The following COL13A1 variants were observed in gnomAD, a reference collection of about 807,000 sequenced individuals.
COL13A1 encodes collagen type XIII alpha 1 chain.
A neutral mutation model predicts 130.9 loss-of-function variants in COL13A1; 89 were observed. That is an observed-to-expected ratio of 0.68 (90% CI 0.57 to 0.81). The LOEUF (loss-of-function observed/expected upper bound fraction) is 0.81, where lower values mean the gene tolerates loss of function less well. Ranked by LOEUF, COL13A1 falls within the 30% of genes least tolerant of loss-of-function variation. The probability of loss-of-function intolerance (pLI) is 0.00; values close to 1 mark genes in which losing one functional copy is unlikely to be tolerated. For synonymous variants in COL13A1, 402 were observed against 341.6 expected, an observed-to-expected ratio of 1.18 and a Z score of -1.95; for missense variants, 879 against 934.6, an observed-to-expected ratio of 0.94 and a Z score of 0.78.
chr10:69,927,245 C>A, intron 27 of COL13A1, 135 bp downstream of exon 27: 1 of 1,389,208 alleles, frequency 7.2e-7, no homozygotes, highest in Non-Finnish European at 1.0e-6. Context: ...CCCAACAGGG[C>A]TGGGGCAGAT....
At chr10:69,884,780 G>A (rs918137705) in intron 7 of COL13A1, among the ~76,000 whole-genome samples, 2 of 152,164 alleles carry the variant, frequency 1.3e-5, no homozygotes, top group East Asian at 1.9e-4. Flanking sequence ...GAAATCCAAC[G>A]AAATTCTACT....
intron 14 of COL13A1, among the ~76,000 whole-genome samples, chr10:69,900,325 A>G (rs1024905496): frequency 9.9e-5 from 15 of 152,184 alleles, no homozygotes; most frequent in African/African-American, 3.1e-4. Context: ...TATCTCATGC[A>G]TTCCCCACAC....
chr10:69,918,225 C>T lies in COL13A1; in HGVS notation c.967-60C>T, dbSNP rs1589507982. 1.6e-5 allele frequency: 25 copies of T among 1,523,752 alleles called. No homozygotes were observed. The East Asian group carries it at 5.7e-4, about 35-fold the overall frequency. The allele number at this position is 1,523,752 out of a possible 1,614,324, so 94.4% of individuals were successfully genotyped here. A position where few individuals can be genotyped will look rare whatever the true frequency, so the allele number is the denominator to read the frequency against. On this transcript the variant is annotated intron_variant, in intron 18 of 40. Coordinates refer to ENST00000645393, the MANE Select transcript of COL13A1 (RefSeq NM_001368882.1). ...TGGGGAGGCTGTCCACTGCCCCCCG[C>T]CCCCTGCTGCCCCCTCGCTGCAGAA...
chr10:69,834,386 G>A (rs1159933548), intron 2 of COL13A1, among the ~76,000 whole-genome samples: 1 of 152,170 alleles, frequency 6.6e-6, no homozygotes, highest in Non-Finnish European at 1.5e-5. Flanking sequence ...AGTAACGAGA[G>A]GGAGGTTGCA....
chr10:69,867,960 G>T (rs1263009810), intron 3 of COL13A1, among the ~76,000 whole-genome samples, 155 bp downstream of exon 3: 1 of 152,100 alleles, frequency 6.6e-6, no homozygotes, highest in African/African-American at 2.4e-5. Flanking sequence ...GCCTCTTGTG[G>T]GGAGGAGGCT....
chr10:69,932,447 G>T lies in COL13A1; in HGVS notation c.1684-113G>T, dbSNP rs559660369. On this transcript the variant is annotated intron_variant, in intron 30 of 40. Transcript: ENST00000645393. ...CTCCACATCCTCCATGGTGTTCCTT[G>T]TTGACCCCTAGACCAGTCACGTCCC... 9.2e-5 allele frequency: 63 copies of T among 682,474 alleles called. 1 individual carries two copies. The highest frequency in any genetic ancestry group is 8.0e-4 in the Middle Eastern group (2 of 2,496). 42.3% of individuals were successfully genotyped at this position (682,474 alleles called of 1,614,324 possible).
At chr10:69,948,946 C>T (rs1565158108) in intron 38 of COL13A1, among the ~76,000 whole-genome samples, 2 of 152,240 alleles carry the variant, frequency 1.3e-5, no homozygotes, top group African/African-American at 4.8e-5. Flanking sequence ...ATGTTTGACA[C>T]ACTTTCCTCC....
chr10:69,825,965 T>G (rs993769883), intron 2 of COL13A1, among the ~76,000 whole-genome samples: 4 of 152,030 alleles, frequency 2.6e-5, no homozygotes, highest in Non-Finnish European at 5.9e-5. Context: ...AACCCTCAGT[T>G]AGGAGGGTCA....
chr10:69,889,729 C>T (rs2060978559), intron 10 of COL13A1, among the ~76,000 whole-genome samples: 1 of 152,204 alleles, frequency 6.6e-6, no homozygotes, highest in Non-Finnish European at 1.5e-5. Context: ...GCTCTCAAAC[C>T]ACACTCGCAT....
intron 30 of COL13A1, 107 bp downstream of exon 30, chr10:69,930,659 GA>G: frequency 7.7e-7 from 1 of 1,291,938 alleles, no homozygotes; most frequent in South Asian, 1.6e-5. Flanking sequence ...GCCTGGGCTA[GA>G]AACCTGGGGC....
At position 69,904,960 on chromosome 10, in the gene COL13A1, G is replaced by A. The variant is rs1302392150; in HGVS notation, c.885+1G>A. 1 of 1,556,114 alleles carries A rather than the reference G, an allele frequency of 6.4e-7. No homozygotes were observed. The highest frequency in any genetic ancestry group is 8.7e-7 in the Non-Finnish European group (1 of 1,149,836). ...CTTACCTGGGCCTCCTGGACCAAAG[G>A]TGAGTGTCCTTCTGGGTGATGTGTT... On this transcript the variant is annotated splice_donor_variant, in intron 16 of 40. Coordinates refer to ENST00000645393, the MANE Select transcript of COL13A1 (RefSeq NM_001368882.1). LOFTEE classifies it high-confidence loss of function.
At chr10:69,904,577 G>A (rs1204581273) in intron 15 of COL13A1, among the ~76,000 whole-genome samples, 1 of 152,188 alleles carries the variant, frequency 6.6e-6, no homozygotes, top group Non-Finnish European at 1.5e-5. Flanking sequence ...GGGCAAGGCC[G>A]GCTTTCTAGG....
chr10:69,943,798 G>C (rs1331125337), intron 35 of COL13A1, among the ~76,000 whole-genome samples: 1 of 152,242 alleles, frequency 6.6e-6, no homozygotes, highest in Admixed American at 6.5e-5. Context: ...CCTGCCCCGG[G>C]ATGGGTCCAC....
intron 35 of COL13A1, among the ~76,000 whole-genome samples, chr10:69,943,648 G>T (rs567910230): frequency 6.6e-6 from 1 of 152,188 alleles, no homozygotes; most frequent in South Asian, 2.1e-4. Context: ...GTGGGTCTGC[G>T]GTGGGCCGGT....
At chr10:69,829,579 A>G (rs1848324152) in intron 2 of COL13A1, among the ~76,000 whole-genome samples, 1 of 152,234 alleles carries the variant, frequency 6.6e-6, no homozygotes, top group Non-Finnish European at 1.5e-5. Context: ...CTCCAAACGA[A>G]GGCCCTTCCT....
At chr10:69,884,918 A>C (rs1475380324) in intron 7 of COL13A1, among the ~76,000 whole-genome samples, 1 of 152,246 alleles carries the variant, frequency 6.6e-6, no homozygotes, top group Non-Finnish European at 1.5e-5. Flanking sequence ...TCATTTCACA[A>C]TAGGAAGAGA....
intron 2 of COL13A1, among the ~76,000 whole-genome samples, chr10:69,823,861 CA>C (rs901884804): frequency 6.6e-6 from 1 of 152,068 alleles, no homozygotes; most frequent in Non-Finnish European, 1.5e-5. Context: ...AGAGGAGTGC[CA>C]AGATTAATGA....
At chr10:69,875,752 A>C (rs1255660455) in intron 5 of COL13A1, among the ~76,000 whole-genome samples, 1 of 152,272 alleles carries the variant, frequency 6.6e-6, no homozygotes, top group Non-Finnish European at 1.5e-5. Flanking sequence ...GGTGTTTCCC[A>C]GAAATGGGAA....
intron 17 of COL13A1, among the ~76,000 whole-genome samples, chr10:69,906,060 C>T (rs1182504400): frequency 1.3e-5 from 2 of 152,218 alleles, no homozygotes; most frequent in Non-Finnish European, 2.9e-5. Flanking sequence ...AGGGGTCCAG[C>T]TCTTACAGGC....
Sources: gnomAD v4.1 joint callset for allele counts (sites outside exome capture counted in the v4.1 genomes callset) on GRCh38, gnomAD v4.1.1 for gene constraint, MANE v1.5 for transcripts, NCBI Gene and HGNC (gene_info 2026-07-23, HGNC 2026-07-21) for gene names.